The following LINGO2 variants were observed in gnomAD, a reference collection of about 807,000 sequenced individuals.
The protein encoded by LINGO2 is leucine-rich repeat and immunoglobulin-like domain-containing nogo receptor-interacting protein 2.
A neutral mutation model predicts 30.6 loss-of-function variants in LINGO2; 14 were observed. The observed-to-expected ratio is 0.46, with a 90% CI of 0.30 to 0.72. The LOEUF (loss-of-function observed/expected upper bound fraction) is 0.72, where lower values mean the gene tolerates loss of function less well. LINGO2 is among the 30% of genes least tolerant of loss of function. The probability of loss-of-function intolerance (pLI) is 0.07; values close to 1 mark genes in which losing one functional copy is unlikely to be tolerated. For missense variants in LINGO2, 729 were observed against 751.7 expected, an observed-to-expected ratio of 0.97 and a Z score of 0.35; for synonymous variants, 317 against 288.5, an observed-to-expected ratio of 1.10 and a Z score of -1.00.
chr9:29,039,859 C>T, the LINGO2 span, among the ~76,000 whole-genome samples: 6 of 152,070 alleles, frequency 3.9e-5, no homozygotes, highest in Non-Finnish European at 7.4e-5. Context: ...GTAGGACAGG[C>T]ACTGGTGAAA....
chr9:28,979,326 G>C, the LINGO2 span, among the ~76,000 whole-genome samples: 1 of 152,034 alleles, frequency 6.6e-6, no homozygotes, highest in Admixed American at 6.6e-5. Flanking sequence ...GATCTCTCTA[G>C]TGTACCATAT....
At chr9:28,984,284 G>A in the LINGO2 span, among the ~76,000 whole-genome samples, 1 of 152,054 alleles carries the variant, frequency 6.6e-6, no homozygotes, top group South Asian at 2.1e-4. Context: ...GAGTGCTCAA[G>A]AAAAAGAATC....
chr9:28,622,397 T>G (rs1269520823), intron 1 of LINGO2, among the ~76,000 whole-genome samples: 1 of 151,966 alleles, frequency 6.6e-6, no homozygotes, highest in Non-Finnish European at 1.5e-5. Context: ...AATATTAAAA[T>G]TGTTTGTTTT....
the LINGO2 span, among the ~76,000 whole-genome samples, chr9:29,164,612 G>A: frequency 6.6e-6 from 1 of 151,868 alleles, no homozygotes; most frequent in South Asian, 2.1e-4. Flanking sequence ...TAATAAAAAC[G>A]TAATTACGCA....
intron 4 of LINGO2, among the ~76,000 whole-genome samples, chr9:28,111,702 G>A (rs1007195628): frequency 1.3e-5 from 2 of 152,080 alleles, no homozygotes; most frequent in Non-Finnish European, 2.9e-5. Flanking sequence ...TAAATGTAAT[G>A]CAAAGGGCTT....
At chr9:28,324,618 T>A (rs531799515) in intron 3 of LINGO2, among the ~76,000 whole-genome samples, 51 of 152,240 alleles carry the variant, frequency 3.3e-4, no homozygotes, top group African/African-American at 1.2e-3. Flanking sequence ...TTATAATGTA[T>A]TAGCATGCTG....
intron 4 of LINGO2, among the ~76,000 whole-genome samples, chr9:28,215,750 A>G (rs747184328): frequency 6.6e-6 from 1 of 151,852 alleles, no homozygotes; most frequent in Non-Finnish European, 1.5e-5. Context: ...GAACTCCATC[A>G]TAGAAACACT....
intron 5 of LINGO2, among the ~76,000 whole-genome samples, chr9:28,006,140 GGAAGAAAA>G (rs1822256311): frequency 6.6e-6 from 1 of 151,704 alleles, no homozygotes; most frequent in Non-Finnish European, 1.5e-5. Context: ...AGCTCCTTCC[GGAAGAAAA>G]AAAGAAAAAA....
At chr9:28,554,291 A>G (rs1822507740) in intron 1 of LINGO2, among the ~76,000 whole-genome samples, 1 of 150,798 alleles carries the variant, frequency 6.6e-6, no homozygotes, top group Non-Finnish European at 1.5e-5. Context: ...TCAAAATAAA[A>G]GGATGGAGGA....
chr9:28,765,049 T>C, the LINGO2 span, among the ~76,000 whole-genome samples: 2 of 152,014 alleles, frequency 1.3e-5, no homozygotes, highest in African/African-American at 2.4e-5. Flanking sequence ...AAAATTAATA[T>C]TGTTAAAATG....
In LINGO2 at chr9:28,572,519, G is replaced by A. The variant is rs528529500; in HGVS notation, c.-364-96494C>T. Among the ~76,000 whole-genome samples the A allele has an allele frequency of 9.9e-5, 15 of 152,148 alleles. No individual in the cohort carries two copies. In the South Asian group the frequency reaches 1.9e-3, roughly 19 times the overall value. On this transcript the variant is annotated intron_variant, in intron 1 of 5. Coordinates refer to ENST00000379992, the Ensembl canonical transcript of LINGO2. ...ATCTGTGAAGCATAACAACAAGGCC[G>A]CTCTTCATGGTCTGCTCTTGTCCTA...
chr9:28,846,984 A>C, the LINGO2 span, among the ~76,000 whole-genome samples: 1 of 147,772 alleles, frequency 6.8e-6, no homozygotes, highest in African/African-American at 2.6e-5. Context: ...GAAAAGAACA[A>C]GGCTATACCC....
At chr9:28,679,588 A>T in the LINGO2 span, among the ~76,000 whole-genome samples, 1 of 152,134 alleles carries the variant, frequency 6.6e-6, no homozygotes, top group African/African-American at 2.4e-5. Context: ...ATACAACTTC[A>T]TGAGTTTGAA....
chr9:28,711,746 T>TA, the LINGO2 span, among the ~76,000 whole-genome samples: 1 of 152,116 alleles, frequency 6.6e-6, no homozygotes, highest in Non-Finnish European at 1.5e-5. Context: ...CATCTAGAAA[T>TA]AAAAACAGCC....
chr9:28,077,374 G>T (rs571973890), intron 4 of LINGO2, among the ~76,000 whole-genome samples: 1 of 152,244 alleles, frequency 6.6e-6, no homozygotes, highest in African/African-American at 2.4e-5. Flanking sequence ...TTACAAAAAT[G>T]TGCTCCCATT....
At chr9:28,778,142 A>C in the LINGO2 span, among the ~76,000 whole-genome samples, 1 of 152,046 alleles carries the variant, frequency 6.6e-6, no homozygotes, top group Non-Finnish European at 1.5e-5. Context: ...ACTCCTACTT[A>C]AGCAAGCAGT....
intron 4 of LINGO2, among the ~76,000 whole-genome samples, chr9:28,176,241 G>A (rs922910316): frequency 2.0e-5 from 3 of 152,118 alleles, no homozygotes; most frequent in Admixed American, 6.6e-5. Flanking sequence ...TTCCATGTAC[G>A]ATGTTTCTTA....
chr9:28,878,316 T>C, the LINGO2 span, among the ~76,000 whole-genome samples: 1 of 152,010 alleles, frequency 6.6e-6, no homozygotes, highest in African/African-American at 2.4e-5. Context: ...AATAGACCAA[T>C]AACAGGCTCT....
chr9:28,183,607 G>T (rs1463653802), intron 4 of LINGO2, among the ~76,000 whole-genome samples: 1 of 152,068 alleles, frequency 6.6e-6, no homozygotes, highest in Non-Finnish European at 1.5e-5. Context: ...TAGTGGCAGA[G>T]CCCTCATAGG....
Sources: allele counts gnomAD v4.1 joint callset (sites outside exome capture counted in the v4.1 genomes callset), GRCh38; gene constraint gnomAD v4.1.1; transcripts MANE v1.5; gene names NCBI Gene and HGNC (gene_info 2026-07-23, HGNC 2026-07-21).